Variants in LOC128092252 observed in about 807,000 individuals in gnomAD.
the LOC128092252 span, among the ~76,000 whole-genome samples, chr15:50,666,954 T>C: frequency 1.2e-3 from 183 of 152,276 alleles, 2 homozygotes; most frequent in East Asian, 0.03. Context: ...ATAAACTTGC[T>C]TTTACTTTAC....
At chr15:50,663,818 C>T in the LOC128092252 span, among the ~76,000 whole-genome samples, 42 of 152,122 alleles carry the variant, frequency 2.8e-4, no homozygotes, top group African/African-American at 8.4e-4. Flanking sequence ...AAAAAATTAG[C>T]CAGGTATGGT....
At chr15:50,657,789 T>C in the LOC128092252 span, 8 of 1,611,700 alleles carry the variant, frequency 5.0e-6, no homozygotes, top group Non-Finnish European at 5.9e-6. Context: ...ACCTGACGAG[T>C]TGCTGACAAA....
chr15:50,668,692 G>A, the LOC128092252 span, among the ~76,000 whole-genome samples: 1 of 152,088 alleles, frequency 6.6e-6, no homozygotes, highest in African/African-American at 2.4e-5. Flanking sequence ...ATCTTTAGTA[G>A]AAACAGGTTT....
chr15:50,652,977 T>C, the LOC128092252 span, among the ~76,000 whole-genome samples: 2 of 152,072 alleles, frequency 1.3e-5, no homozygotes, highest in Non-Finnish European at 2.9e-5. Context: ...CCTGACAACA[T>C]GGCAAAACTC....
chr15:50,666,860 T>C, the LOC128092252 span, among the ~76,000 whole-genome samples: 27 of 152,248 alleles, frequency 1.8e-4, no homozygotes, highest in South Asian at 5.4e-3. Context: ...ACTGAAAAGA[T>C]ACAAGGTAAT....
At chr15:50,670,582 C>G in the LOC128092252 span, among the ~76,000 whole-genome samples, 1 of 151,978 alleles carries the variant, frequency 6.6e-6, no homozygotes, top group South Asian at 2.1e-4. Flanking sequence ...TCAGAAGTTA[C>G]CCTATATAGT....
chr15:50,681,499 C>T, the LOC128092252 span, among the ~76,000 whole-genome samples: 1 of 152,118 alleles, frequency 6.6e-6, no homozygotes, highest in South Asian at 2.1e-4. Flanking sequence ...CTCCAGTGTC[C>T]TCCTAACAGT....
chr15:50,681,659 T>C, the LOC128092252 span, among the ~76,000 whole-genome samples: 1 of 152,210 alleles, frequency 6.6e-6, no homozygotes, highest in South Asian at 2.1e-4. Context: ...ATATTATTGA[T>C]GACTTAGCTC....
the LOC128092252 span, among the ~76,000 whole-genome samples, chr15:50,681,246 G>A: frequency 7.1e-5 from 9 of 126,000 alleles, no homozygotes; most frequent in East Asian, 1.0e-3. Flanking sequence ...GCAAGACTTC[G>A]TCTCAAAAAT....
At chr15:50,679,522 ATATATATATATATATAT>A in the LOC128092252 span, among the ~76,000 whole-genome samples, 1 of 23,324 alleles carries the variant, frequency 4.3e-5, no homozygotes, top group African/African-American at 1.4e-4. Flanking sequence ...ATATATATAT[ATATATATATATATATAT>A]TTTTTTTTTT....
the LOC128092252 span, among the ~76,000 whole-genome samples, chr15:50,674,146 G>A: frequency 1.3e-5 from 2 of 152,004 alleles, no homozygotes; most frequent in Non-Finnish European, 2.9e-5. Flanking sequence ...CTGCCACCAC[G>A]CCCAGCTAAT....
the LOC128092252 span, among the ~76,000 whole-genome samples, chr15:50,658,165 C>T: frequency 5.9e-5 from 9 of 152,068 alleles, no homozygotes; most frequent in South Asian, 4.2e-4. Flanking sequence ...CCACCATGCC[C>T]GGCTAATTTT....
At chr15:50,665,072 C>T in the LOC128092252 span, among the ~76,000 whole-genome samples, 1 of 151,990 alleles carries the variant, frequency 6.6e-6, no homozygotes, top group African/African-American at 2.4e-5. Flanking sequence ...AACAGAAGAT[C>T]CATTCATTCT....
chr15:50,680,982 G>A, the LOC128092252 span, among the ~76,000 whole-genome samples: 63 of 152,264 alleles, frequency 4.1e-4, no homozygotes, highest in African/African-American at 1.4e-3. Flanking sequence ...GTCGGGCGAG[G>A]TGGCTCATGC....
At chr15:50,676,292 G>A in the LOC128092252 span, among the ~76,000 whole-genome samples, 21 of 152,230 alleles carry the variant, frequency 1.4e-4, no homozygotes, top group African/African-American at 4.8e-4. Flanking sequence ...AAGGTAACAT[G>A]TGGAAATCAA....
At chr15:50,683,369 T>A in the LOC128092252 span, among the ~76,000 whole-genome samples, 15 of 151,022 alleles carry the variant, frequency 9.9e-5, no homozygotes, top group Non-Finnish European at 1.3e-4. Context: ...ATGAATAACA[T>A]ATGGGGAACT....
At chr15:50,661,211 G>A in the LOC128092252 span, among the ~76,000 whole-genome samples, 20,988 of 151,830 alleles carry the variant, frequency 0.14, 1,490 homozygotes, top group Middle Eastern at 0.2. Context: ...TCCTGACCTC[G>A]TGATCCGCCC....
the LOC128092252 span, among the ~76,000 whole-genome samples, chr15:50,651,511 T>C: frequency 2.0e-5 from 3 of 151,900 alleles, no homozygotes; most frequent in Non-Finnish European, 4.4e-5. Flanking sequence ...AGAAAGACCA[T>C]GCTTGTTGGG....
the LOC128092252 span, among the ~76,000 whole-genome samples, chr15:50,679,379 C>T: frequency 6.7e-6 from 1 of 148,586 alleles, no homozygotes; most frequent in African/African-American, 2.5e-5. Context: ...GTTCACACTG[C>T]GAGTAAGCCA....
Sources: gnomAD v4.1 joint callset for allele counts (sites outside exome capture counted in the v4.1 genomes callset) on GRCh38, gnomAD v4.1.1 for gene constraint, MANE v1.5 for transcripts.